MAMDC2: variants seen among roughly 807,000 people sequenced by gnomAD.
MAMDC2 encodes the protein MAM domain containing 2, also known as MAM domain-containing protein 2.
In MAMDC2, 57 loss-of-function variants were observed where a neutral mutation model predicts 89.8. That is an observed-to-expected ratio of 0.63 (90% CI 0.51 to 0.79). MAMDC2 has a LOEUF of 0.79. MAMDC2 is among the 30% of genes least tolerant of loss of function. MAMDC2 has a pLI of 0.00. For synonymous variants in MAMDC2, 313 were observed against 293.4 expected (o/e 1.07, Z -0.68); for missense variants, 800 against 820.6 (o/e 0.97, Z 0.31).
chr9:70,153,561 T>A (rs2031647705), intron 9 of MAMDC2: 2 of 152,250 alleles, frequency 1.3e-5, no homozygotes, highest in African/African-American at 2.4e-5. Flanking sequence ...CTCGATATTG[T>A]GTTCATTAAA....
chr9:70,163,644 C>T (rs915284653), intron 9 of MAMDC2, among the ~76,000 whole-genome samples: 3 of 152,004 alleles, frequency 2.0e-5, no homozygotes, highest in East Asian at 1.9e-4. Context: ...AGGTTGAAAT[C>T]GACTGTGAAT....
chr9:70,225,681 G>A (rs1420183174), intron 12 of MAMDC2, 69 bp from the exon 13 acceptor site: 7 of 965,936 alleles, frequency 7.2e-6, no homozygotes, highest in African/African-American at 6.5e-5. Flanking sequence ...TACAAAGCCT[G>A]GATCTGCCCT....
intron 9 of MAMDC2, chr9:70,153,259 T>A (rs546102133): frequency 6.6e-6 from 1 of 152,324 alleles, no homozygotes; most frequent in Admixed American, 6.5e-5. Context: ...AATCAACAGT[T>A]ACATTGAGAC....
intron 6 of MAMDC2, among the ~76,000 whole-genome samples, chr9:70,131,207 C>T (rs1563968005): frequency 6.6e-6 from 1 of 152,082 alleles, no homozygotes; most frequent in East Asian, 1.9e-4. Flanking sequence ...AATCCCATTC[C>T]AAAACCTAAT....
intron 11 of MAMDC2, among the ~76,000 whole-genome samples, chr9:70,175,398 C>T (rs1262382649): frequency 1.3e-5 from 2 of 152,154 alleles, no homozygotes; most frequent in Admixed American, 6.5e-5. Context: ...GAAAGAGCAA[C>T]GTTCTGAGTA....
rs2033497154 is a variant in MAMDC2 at position 70,218,702 on chromosome 9, C to T, written c.1911+106C>T. ...AGAATATTTTGTTCTTTTTCAGGGTCATAGACAAAGGCAGGATTAAGAGGG... is the reference window on the plus strand; with the variant it reads ...AGAATATTTTGTTCTTTTTCAGGGTTATAGACAAAGGCAGGATTAAGAGGG... On this transcript the variant is annotated intron_variant, in intron 12 of 13. Coordinates refer to ENST00000377182, the MANE Select transcript of MAMDC2 (RefSeq NM_153267.5). 3.2e-5 allele frequency: 43 copies of T among 1,330,840 alleles called. 1 individual carries two copies. In the South Asian group the frequency reaches 4.2e-4, roughly 13 times the overall value. 82.4% of individuals were successfully genotyped at this position (1,330,840 alleles called of 1,614,324 possible).
chr9:70,208,125 G>T (rs144364307), intron 11 of MAMDC2, among the ~76,000 whole-genome samples: 11,084 of 152,192 alleles, frequency 0.073, 588 homozygotes, highest in East Asian at 0.22. Context: ...GCTCTTTTTT[G>T]ATTCCACATG....
At chr9:70,199,679 T>C (rs1463035435) in intron 11 of MAMDC2, among the ~76,000 whole-genome samples, 1 of 100,570 alleles carries the variant, frequency 9.9e-6, no homozygotes, top group Non-Finnish European at 2.2e-5. Context: ...AGTGTAAAAG[T>C]GTTCCTATTT....
At chr9:70,062,668 T>C (rs753271298) in intron 2 of MAMDC2, 1 of 152,220 alleles carries the variant, frequency 6.6e-6, no homozygotes, top group South Asian at 2.1e-4. Flanking sequence ...AGCCAGGAAC[T>C]GGGCACAACA....
intron 2 of MAMDC2, among the ~76,000 whole-genome samples, chr9:70,105,267 G>A (rs1490537377): frequency 2.0e-5 from 3 of 152,128 alleles, no homozygotes; most frequent in Non-Finnish European, 4.4e-5. Context: ...ATAACAAGTA[G>A]TTTCAACTCA....
chr9:70,205,589 A>G (rs1258221773), intron 11 of MAMDC2, among the ~76,000 whole-genome samples: 1 of 152,186 alleles, frequency 6.6e-6, no homozygotes, highest in Admixed American at 6.5e-5. Flanking sequence ...ATGGATGTGG[A>G]ATGTGTCTGT....
At chr9:70,191,048 A>G (rs564016714) in intron 11 of MAMDC2, among the ~76,000 whole-genome samples, 2 of 152,272 alleles carry the variant, frequency 1.3e-5, no homozygotes, top group South Asian at 2.1e-4. Flanking sequence ...AATTAGGGCA[A>G]GAAAAAAGGT....
intron 11 of MAMDC2, among the ~76,000 whole-genome samples, chr9:70,196,250 T>C (rs1182869341): frequency 2.0e-5 from 3 of 152,068 alleles, no homozygotes; most frequent in Admixed American, 6.6e-5. Flanking sequence ...GAGATTTGGG[T>C]GGGGACACAG....
chr9:70,102,743 C>G (rs949161672), intron 2 of MAMDC2, among the ~76,000 whole-genome samples: 1 of 152,140 alleles, frequency 6.6e-6, no homozygotes, highest in Non-Finnish European at 1.5e-5. Context: ...TTTTCTGACC[C>G]TTTATAAAGA....
chr9:70,125,856 C>G (rs939871338), intron 5 of MAMDC2, among the ~76,000 whole-genome samples: 2 of 152,138 alleles, frequency 1.3e-5, no homozygotes, highest in African/African-American at 4.8e-5. Flanking sequence ...AACTTAAGCA[C>G]TTGACAGATG....
At chr9:70,128,147 G>C (rs1214817425) in intron 6 of MAMDC2, among the ~76,000 whole-genome samples, 1 of 152,200 alleles carries the variant, frequency 6.6e-6, no homozygotes, top group Non-Finnish European at 1.5e-5. Flanking sequence ...TGAGTTTAAT[G>C]TCATCACATT....
At chr9:70,091,877 T>A (rs970600162) in intron 2 of MAMDC2, among the ~76,000 whole-genome samples, 6 of 152,230 alleles carry the variant, frequency 3.9e-5, no homozygotes, top group Non-Finnish European at 8.8e-5. Flanking sequence ...CCAACTTTAC[T>A]GTGATTTATT....
chr9:70,121,909 C>G (rs1188964451), intron 5 of MAMDC2, among the ~76,000 whole-genome samples: 1 of 152,060 alleles, frequency 6.6e-6, no homozygotes, highest in African/African-American at 2.4e-5. Flanking sequence ...AGCCACCTAC[C>G]CATTGACTCC....
intron 11 of MAMDC2, among the ~76,000 whole-genome samples, chr9:70,191,871 C>G (rs1035140961): frequency 1.3e-5 from 2 of 152,246 alleles, no homozygotes; most frequent in Middle Eastern, 3.4e-3. Flanking sequence ...TCCTCTTACT[C>G]TCCGTAATTT....
Sources: gnomAD v4.1 joint callset for allele counts (sites outside exome capture counted in the v4.1 genomes callset) on GRCh38, gnomAD v4.1.1 for gene constraint, MANE v1.5 for transcripts, NCBI Gene and HGNC (gene_info 2026-07-23, HGNC 2026-07-21) for gene names.